Variants in SYT1 observed in about 807,000 individuals in gnomAD.
The protein encoded by SYT1 is synaptotagmin 1, also known as synaptotagmin-1.
In SYT1, 8 loss-of-function variants were observed where a neutral mutation model predicts 44.8. That is an observed-to-expected ratio of 0.18 (90% CI 0.10 to 0.32). The LOEUF (loss-of-function observed/expected upper bound fraction) is 0.32, where lower values mean the gene tolerates loss of function less well. Ranked by LOEUF, SYT1 falls within the 10% of genes least tolerant of loss-of-function variation. The pLI is 1.00. For synonymous variants in SYT1, 154 were observed against 188.8 expected, an observed-to-expected ratio of 0.82 and a Z score of 1.51; for missense variants, 286 against 509.3, an observed-to-expected ratio of 0.56 and a Z score of 4.22.
At chr12:79,430,507 C>T (rs1443754289) in intron 9 of SYT1, among the ~76,000 whole-genome samples, 2 of 152,150 alleles carry the variant, frequency 1.3e-5, no homozygotes, top group Non-Finnish European at 1.5e-5. Context: ...TTAGGAAAGC[C>T]GGGCATGGTG....
At chr12:79,060,883 A>G (rs1017817310) in intron 3 of SYT1, among the ~76,000 whole-genome samples, 2 of 151,830 alleles carry the variant, frequency 1.3e-5, no homozygotes, top group African/African-American at 2.4e-5. Flanking sequence ...AGTTTAGGCA[A>G]TCAGCAAAAA....
chr12:79,343,320 T>C (rs1039216507), intron 8 of SYT1, among the ~76,000 whole-genome samples: 2 of 152,144 alleles, frequency 1.3e-5, no homozygotes, highest in African/African-American at 4.8e-5. Context: ...ACATGGCACA[T>C]GTAGAAAAGA....
intron 3 of SYT1, among the ~76,000 whole-genome samples, chr12:79,132,030 G>C (rs547518561): frequency 1.3e-5 from 2 of 152,192 alleles, no homozygotes; most frequent in South Asian, 4.2e-4. Flanking sequence ...CATGGAGTGT[G>C]GTTAACCAGA....
At chr12:78,995,834 G>A (rs1045798891) in intron 2 of SYT1, 1 of 152,200 alleles carries the variant, frequency 6.6e-6, no homozygotes, top group South Asian at 2.1e-4. Context: ...AAAATAAGAA[G>A]TGGCTCCAAA....
chr12:78,909,534 G>T (rs576701460), intron 1 of SYT1, among the ~76,000 whole-genome samples: 2 of 151,898 alleles, frequency 1.3e-5, no homozygotes, highest in South Asian at 2.1e-4. Flanking sequence ...AGAGAGAATT[G>T]TTATAGAAAC....
chr12:79,103,737 T>C (rs979047559), intron 3 of SYT1, among the ~76,000 whole-genome samples: 2 of 151,702 alleles, frequency 1.3e-5, no homozygotes, highest in Non-Finnish European at 1.5e-5. Flanking sequence ...CTTCCCTGGT[T>C]AAACTGTATC....
At chr12:79,015,834 C>T (rs1221950346) in intron 2 of SYT1, among the ~76,000 whole-genome samples, 1 of 151,864 alleles carries the variant, frequency 6.6e-6, no homozygotes, top group African/African-American at 2.4e-5. Flanking sequence ...TTTATTTTTG[C>T]CAAGCTAGGT....
chr12:79,280,783 C>T (rs1446114620), intron 4 of SYT1, among the ~76,000 whole-genome samples: 1 of 151,614 alleles, frequency 6.6e-6, no homozygotes, highest in East Asian at 1.9e-4. Flanking sequence ...CCAAGATCCA[C>T]AGGGACCTCA....
intron 8 of SYT1, among the ~76,000 whole-genome samples, chr12:79,326,538 G>GA (rs200475865): frequency 0.013 from 1,948 of 151,768 alleles, 40 homozygotes; most frequent in African/African-American, 0.044. Context: ...TTGCCCTTTG[G>GA]AAAAAAAATA....
At chr12:79,130,217 G>A (rs1868721224) in intron 3 of SYT1, among the ~76,000 whole-genome samples, 1 of 152,114 alleles carries the variant, frequency 6.6e-6, no homozygotes, top group Non-Finnish European at 1.5e-5. Context: ...GATTATATAT[G>A]TATTCATATG....
chr12:79,079,633 C>T (rs539485178), intron 3 of SYT1, among the ~76,000 whole-genome samples: 85 of 151,940 alleles, frequency 5.6e-4, no homozygotes, highest in Non-Finnish European at 9.3e-4. Flanking sequence ...TTTATTTTTT[C>T]TTTCATTGTA....
intron 8 of SYT1, among the ~76,000 whole-genome samples, chr12:79,309,962 A>G (rs1446666007): frequency 1.3e-5 from 2 of 151,928 alleles, no homozygotes; most frequent in African/African-American, 4.8e-5. Context: ...CCCATTTTGT[A>G]GGTTGCCTGT....
intron 1 of SYT1, among the ~76,000 whole-genome samples, chr12:78,893,497 GAATACTAAAA>G (rs1875166702): frequency 6.6e-6 from 1 of 151,568 alleles, no homozygotes. Flanking sequence ...AATAATCACT[GAATACTAAAA>G]AAATAAAATG....
chr12:78,877,110 C>T (rs538516436), intron 1 of SYT1, among the ~76,000 whole-genome samples: 5 of 149,364 alleles, frequency 3.3e-5, no homozygotes, highest in African/African-American at 7.4e-5. Context: ...TCTGTTCTCA[C>T]GCTGCTAATA....
At chr12:79,308,565 AAAAG>A (rs1440449381) in intron 8 of SYT1, among the ~76,000 whole-genome samples, 1 of 147,062 alleles carries the variant, frequency 6.8e-6, no homozygotes, top group Non-Finnish European at 1.5e-5. Flanking sequence ...GAAAGAAAGG[AAAAG>A]AAAGAAAAGA....
In SYT1 at chr12:79,451,830, A is replaced by T. The variant is rs563237291; in HGVS notation, c.*2706A>T. The T allele has an allele frequency of 6.6e-6, 1 of 152,284 alleles. No individual in the cohort carries two copies. The highest frequency in any genetic ancestry group is 2.4e-5 in the African/African-American group (1 of 41,570). 9.4% of individuals were successfully genotyped at this position (152,284 alleles called of 1,614,324 possible). A position where few individuals can be genotyped will look rare whatever the true frequency, so the allele number is the denominator to read the frequency against. On this transcript the variant is annotated 3_prime_UTR_variant, in exon 11 of 11. Coordinates refer to ENST00000261205, the MANE Select transcript of SYT1 (RefSeq NM_005639.3). ...AAATGTTGGGGTGTTTTCCTCTGCC[A>T]TATGGCTCGTGGCCTGCGAGCCAAC...
chr12:79,124,497 G>T (rs925576440), intron 3 of SYT1, among the ~76,000 whole-genome samples: 11 of 152,052 alleles, frequency 7.2e-5, no homozygotes, highest in African/African-American at 2.7e-4. Flanking sequence ...CTGGAAAAAA[G>T]CGTGCCCAAT....
At chr12:79,157,970 T>C (rs1870703769) in intron 3 of SYT1, among the ~76,000 whole-genome samples, 1 of 152,060 alleles carries the variant, frequency 6.6e-6, no homozygotes, top group Admixed American at 6.6e-5. Flanking sequence ...ACATCCACCA[T>C]GGTATAAAGG....
intron 9 of SYT1, among the ~76,000 whole-genome samples, chr12:79,383,452 A>G (rs1232981824): frequency 6.6e-6 from 1 of 152,204 alleles, no homozygotes; most frequent in Admixed American, 6.5e-5. Flanking sequence ...ATGCTGTTCA[A>G]TATGGTACAA....
Sources: allele counts gnomAD v4.1 joint callset (sites outside exome capture counted in the v4.1 genomes callset), GRCh38; gene constraint gnomAD v4.1.1; transcripts MANE v1.5; gene names NCBI Gene and HGNC (gene_info 2026-07-23, HGNC 2026-07-21).